The following MAG variants were observed in gnomAD, a reference collection of about 807,000 sequenced individuals.
MAG encodes the protein myelin-associated glycoprotein.
A neutral mutation model predicts 60.7 loss-of-function variants in MAG; 30 were observed. The observed-to-expected ratio is 0.49, with a 90% CI of 0.37 to 0.67. The LOEUF (loss-of-function observed/expected upper bound fraction) is 0.67, where lower values mean the gene tolerates loss of function less well. Among genes scored for constraint, MAG ranks in the 30% least tolerant of loss-of-function variants. The pLI is 0.00. For synonymous variants in MAG, 384 were observed against 376.8 expected (o/e 1.02, Z -0.22); for missense variants, 795 against 851.7 (o/e 0.93, Z 0.83).
chr19:35,300,015 C>T, intron 5 of MAG, 132 bp from the exon 6 acceptor site: 1 of 1,203,626 alleles, frequency 8.3e-7, no homozygotes. Flanking sequence ...GGGGCGGAAC[C>T]AGGCAGTCCT....
chr19:35,310,493 T>C, intron 8 of MAG, 54 bp from the exon 9 acceptor site: 1 of 1,466,274 alleles, frequency 6.8e-7, no homozygotes, highest in Non-Finnish European at 9.6e-7. Context: ...AGTTCTCAGG[T>C]GTCGTCACCA....
chr19:35,308,558 C>T (rs779368946), intron 7 of MAG, among the ~76,000 whole-genome samples: 1 of 151,926 alleles, frequency 6.6e-6, no homozygotes, highest in African/African-American at 2.4e-5. Context: ...ATAGCAAGAC[C>T]CTGTCTCTAC....
At chr19:35,308,297 T>C (rs1034597) in intron 7 of MAG, among the ~76,000 whole-genome samples, 113,672 of 152,090 alleles carry the variant, frequency 0.75, 43,605 homozygotes, top group African/African-American at 0.93. Context: ...GGGAGAAACG[T>C]ACAGACCCTG....
At position 35,300,321 on chromosome 19, in the gene MAG, C is replaced by T. The variant is rs201849322; in HGVS notation, c.887C>T (p.Thr296Ile). ...ESLLLELEEV[T>I]PAEDGVYACL... ...CTGCTCCTGGAGCTGGAGGAGGTGA[C>T]CCCCGCCGAAGACGGCGTCTATGCC... Residue 296 changes from threonine (T) to isoleucine (I), a missense_variant, in exon 6 of 11, where the codon ACC becomes ATC. Coordinates refer to ENST00000392213, the MANE Select transcript of MAG (RefSeq NM_002361.4). The T allele has an allele frequency of 1.3e-6, 2 of 1,599,240 alleles. No homozygotes were observed. Among genetic ancestry groups the T allele is most frequent in the Non-Finnish European group, 1.7e-6 (2 of 1,179,382 alleles).
At chr19:35,301,609 TGTAGTAGAGACAG>T in intron 6 of MAG, among the ~76,000 whole-genome samples, 1 of 152,246 alleles carries the variant, frequency 6.6e-6, no homozygotes, top group Non-Finnish European at 1.5e-5. Flanking sequence ...TTTTTGTATT[TGTAGTAGAGACAG>T]GGTTTCACCA....
chr19:35,294,160 G>A (rs2066378741), intron 1 of MAG, 75 bp from the exon 2 acceptor site: 1 of 365,826 alleles, frequency 2.7e-6, no homozygotes, highest in Non-Finnish European at 5.4e-6. Context: ...ACCCATGCAG[G>A]AGATACTGAA....
intron 4 of MAG, 105 bp downstream of exon 4, chr19:35,296,086 A>C: frequency 6.9e-7 from 1 of 1,450,152 alleles, no homozygotes; most frequent in Non-Finnish European, 9.2e-7. Flanking sequence ...CCTGGATGGC[A>C]GATCTGGGAG....
Position 35,311,502 on chromosome 19 carries a change from C to T in MAG, c.1617-416C>T, listed in dbSNP as rs1279131903. ...ACAGACAGACAGACAGACAGAAAGC[C>T]TCTCCAGCCCCAAACCATACCCACC... On this transcript the variant is annotated intron_variant, in intron 9 of 10. Transcript: ENST00000392213. 2.0e-5 allele frequency among the ~76,000 whole-genome samples: 3 copies of T among 152,140 alleles called. 1 individual carries two copies. The highest frequency in any genetic ancestry group is 7.2e-5 in the African/African-American group (3 of 41,428).
At chr19:35,307,023 G>A (rs967939956) in intron 7 of MAG, among the ~76,000 whole-genome samples, 1 of 152,262 alleles carries the variant, frequency 6.6e-6, no homozygotes, top group Non-Finnish European at 1.5e-5. Context: ...TACTAAGCAC[G>A]TGCACCGGCA....
chr19:35,309,635 C>CA (rs1256676800), intron 7 of MAG, among the ~76,000 whole-genome samples: 2 of 152,150 alleles, frequency 1.3e-5, no homozygotes, highest in Non-Finnish European at 2.9e-5. Context: ...TGGGAATGTT[C>CA]AAGGCCCCAG....
intron 8 of MAG, 36 bp from the exon 9 acceptor site, chr19:35,310,511 T>C (rs768410611): frequency 6.4e-7 from 1 of 1,570,890 alleles, no homozygotes; most frequent in Non-Finnish European, 8.8e-7. Context: ...CCACCACCCA[T>C]AGCCCTAAGG....
chr19:35,298,074 GCCACACACTACACACA>G (rs1394642469), intron 4 of MAG, among the ~76,000 whole-genome samples: 13 of 115,894 alleles, frequency 1.1e-4, no homozygotes, highest in Admixed American at 8.7e-4. Flanking sequence ...CTACCCACAT[GCCACACACTACACACA>G]CCACACACTA....
At chr19:35,309,462 G>T (rs576086693) in intron 7 of MAG, among the ~76,000 whole-genome samples, 2 of 152,046 alleles carry the variant, frequency 1.3e-5, no homozygotes, top group South Asian at 4.2e-4. Flanking sequence ...GTTGTTTGGG[G>T]TTTTTTTGAG....
chr19:35,309,510 T>C (rs2066509091), intron 7 of MAG, among the ~76,000 whole-genome samples: 1 of 152,080 alleles, frequency 6.6e-6, no homozygotes, highest in African/African-American at 2.4e-5. Context: ...ACTCCTGACC[T>C]CAAGTGATCC....
chr19:35,293,998 G>A lies in MAG; in HGVS notation c.-79-237G>A, dbSNP rs1323330862. Among the ~76,000 whole-genome samples the A allele has an allele frequency of 6.6e-6, 1 of 151,850 alleles. No individual in the cohort carries two copies. Among genetic ancestry groups the A allele is most frequent in the East Asian group, 1.9e-4 (1 of 5,164 alleles). On this transcript the variant is annotated intron_variant, in intron 1 of 10. Transcript: ENST00000392213. The surrounding 1 kb of genome is among the most constrained non-coding windows in gnomAD (Gnocchi z 4.0). The stretch of plus-strand genomic sequence containing the variant: ...CGCCACACCCCTCAGTCTCACCCCC[G>A]TACCCCGATGCGGTCGTTCCCCCTT...
chr19:35,311,613 A>T (rs541239777), intron 9 of MAG, among the ~76,000 whole-genome samples: 2 of 152,320 alleles, frequency 1.3e-5, no homozygotes, highest in East Asian at 3.9e-4. Flanking sequence ...CCTCTGCTCC[A>T]CATCCTGGTG....
intron 7 of MAG, among the ~76,000 whole-genome samples, chr19:35,303,401 G>A (rs1187509320): frequency 1.3e-5 from 2 of 152,154 alleles, no homozygotes; most frequent in Admixed American, 1.3e-4. Flanking sequence ...CATGAGGGAG[G>A]TTCTATTACT....
At chr19:35,296,321 C>T (rs1382940669) in intron 4 of MAG, among the ~76,000 whole-genome samples, 5 of 152,210 alleles carry the variant, frequency 3.3e-5, no homozygotes, top group African/African-American at 9.6e-5. Flanking sequence ...ACTTAACTTC[C>T]TTGGGCCTTG....
chr19:35,296,054 T>C, intron 4 of MAG, 73 bp downstream of exon 4: 1 of 1,501,676 alleles, frequency 6.7e-7, no homozygotes, highest in African/African-American at 1.4e-5. Flanking sequence ...CCGGAAGGCC[T>C]CCCCGCACCT....
Sources: gnomAD v4.1 joint callset for allele counts (sites outside exome capture counted in the v4.1 genomes callset) on GRCh38, gnomAD v4.1.1 for gene constraint, Gnocchi (gnomAD v3.1) non-coding constraint, MANE v1.5 for transcripts, NCBI Gene and HGNC (gene_info 2026-07-23, HGNC 2026-07-21) for gene names.